The following BLTP1 variants were observed in gnomAD, a reference collection of about 807,000 sequenced individuals.
The protein encoded by BLTP1 is bridge-like lipid transfer protein family member 1.
the BLTP1 span, among the ~76,000 whole-genome samples, chr4:122,259,184 G>C: frequency 1.3e-5 from 2 of 152,120 alleles, no homozygotes; most frequent in Non-Finnish European, 2.9e-5. Context: ...TAGGTGGTTT[G>C]GGTTAGACTG....
chr4:122,152,634 T>G, the BLTP1 span: 1 of 985,560 alleles, frequency 1.0e-6, no homozygotes, highest in Non-Finnish European at 1.2e-6. Flanking sequence ...AGCCCCTTTT[T>G]CCAGTGTCTC....
chr4:122,301,335 G>A, the BLTP1 span: 1 of 1,604,720 alleles, frequency 6.2e-7, no homozygotes, highest in Non-Finnish European at 8.5e-7. Flanking sequence ...GAACGAACAT[G>A]ATGGAACAGC....
the BLTP1 span, chr4:122,279,655 A>G: frequency 3.5e-6 from 4 of 1,151,210 alleles, no homozygotes; most frequent in Non-Finnish European, 4.8e-6. Context: ...CACATTTTCC[A>G]TGAACTTTTT....
At chr4:122,299,155 A>AC in the BLTP1 span, 7 of 984,794 alleles carry the variant, frequency 7.1e-6, no homozygotes, top group Non-Finnish European at 7.2e-6. Context: ...GGCAAACATC[A>AC]TGTAGGAAGG....
the BLTP1 span, chr4:122,238,098 T>A: frequency 6.2e-7 from 1 of 1,613,908 alleles, no homozygotes; most frequent in African/African-American, 1.3e-5. Flanking sequence ...TTAGGTAATG[T>A]GAATGGCATG....
chr4:122,180,391 C>G, the BLTP1 span, among the ~76,000 whole-genome samples: 2 of 152,128 alleles, frequency 1.3e-5, no homozygotes, highest in Admixed American at 1.3e-4. Context: ...GATAATCTTT[C>G]AGAATGTGAT....
the BLTP1 span, chr4:122,170,662 G>A: frequency 2.0e-5 from 32 of 1,574,770 alleles, no homozygotes; most frequent in African/African-American, 3.8e-4. Context: ...ATCAAAGGAA[G>A]AATGAGAGTA....
chr4:122,243,337 A>C, the BLTP1 span: 1 of 867,910 alleles, frequency 1.2e-6, no homozygotes, highest in Non-Finnish European at 1.4e-6. Context: ...GCAAAGGTAC[A>C]TCAGGTAAAT....
the BLTP1 span, chr4:122,187,620 T>C: frequency 1.7e-6 from 2 of 1,143,978 alleles, no homozygotes; most frequent in Non-Finnish European, 2.4e-6. Flanking sequence ...TTGTGGAGTT[T>C]TTTTTAGTTC....
chr4:122,199,386 T>C, the BLTP1 span: 1 of 1,613,606 alleles, frequency 6.2e-7, no homozygotes. Context: ...AAGGGACAAC[T>C]CTTACATGTG....
At chr4:122,185,520 T>C in the BLTP1 span, 1 of 766,472 alleles carries the variant, frequency 1.3e-6, no homozygotes, top group Non-Finnish European at 1.6e-6. Context: ...TGTAATTATG[T>C]CTTTTATTTG....
chr4:122,195,976 G>T, the BLTP1 span, among the ~76,000 whole-genome samples: 1 of 152,152 alleles, frequency 6.6e-6, no homozygotes, highest in Non-Finnish European at 1.5e-5. Flanking sequence ...GTTAGCTCAT[G>T]TAGAAGACTC....
At chr4:122,290,964 AC>A in the BLTP1 span, 3 of 875,284 alleles carry the variant, frequency 3.4e-6, no homozygotes, top group East Asian at 2.4e-4. Context: ...GGTAAAAAAA[AC>A]AAGTGTTGTG....
the BLTP1 span, among the ~76,000 whole-genome samples, chr4:122,218,855 A>AT: frequency 6.6e-6 from 1 of 152,220 alleles, no homozygotes; most frequent in African/African-American, 2.4e-5. Flanking sequence ...AAGATTGGAT[A>AT]TTTTTATTAA....
At chr4:122,298,255 GTGTTGTGTT>G in the BLTP1 span, 4 of 946,952 alleles carry the variant, frequency 4.2e-6, no homozygotes, top group African/African-American at 7.0e-5. Context: ...ATCACCTATT[GTGTTGTGTT>G]TGTTGTATCT....
At chr4:122,325,780 G>A in the BLTP1 span, 3 of 817,074 alleles carry the variant, frequency 3.7e-6, no homozygotes, top group Middle Eastern at 3.9e-4. Flanking sequence ...TTTGTTTTTT[G>A]TGTATTTACT....
the BLTP1 span, among the ~76,000 whole-genome samples, chr4:122,162,999 T>TCCACCAACTTCCTAGCCATA: frequency 6.6e-6 from 1 of 152,202 alleles, no homozygotes; most frequent in Non-Finnish European, 1.5e-5. Flanking sequence ...ATGTATTAAA[T>TCCACCAACTTCCTAGCCATA]ATTGTGCGCC....
the BLTP1 span, chr4:122,154,564 A>G: frequency 1.1e-6 from 1 of 876,152 alleles, no homozygotes; most frequent in African/African-American, 1.8e-5. Flanking sequence ...TATGTTTGTA[A>G]AGTGTTTTAA....
the BLTP1 span, among the ~76,000 whole-genome samples, chr4:122,342,366 T>TTTATTTATTTA: frequency 5.5e-5 from 8 of 145,466 alleles, no homozygotes; most frequent in African/African-American, 2.1e-4. Context: ...TTATTTATTT[T>TTTATTTATTTA]TTTTTTTGAG....
Sources: allele counts gnomAD v4.1 joint callset (sites outside exome capture counted in the v4.1 genomes callset), GRCh38; gene constraint gnomAD v4.1.1; transcripts MANE v1.5; gene names NCBI Gene and HGNC (gene_info 2026-07-23, HGNC 2026-07-21).